The following TRAPPC9 variants were observed in gnomAD, a reference collection of about 807,000 sequenced individuals.
The protein encoded by TRAPPC9 is IKK2 binding protein.
In TRAPPC9, 83 loss-of-function variants were observed where a neutral mutation model predicts 124.0. The ratio of observed to expected loss-of-function variants is 0.67; its 90% CI spans 0.56 to 0.80. The LOEUF is 0.80. TRAPPC9 is among the 30% of genes least tolerant of loss of function. The pLI, the probability that TRAPPC9 is intolerant of heterozygous loss-of-function variation, is 0.00. For synonymous variants in TRAPPC9, 638 were observed against 617.5 expected (o/e 1.03, Z -0.49); for missense variants, 1,302 against 1,508.3 (o/e 0.86, Z 2.27).
intron 17 of TRAPPC9, among the ~76,000 whole-genome samples, chr8:140,051,420 G>A (rs1330269719): frequency 6.6e-6 from 1 of 152,140 alleles, no homozygotes; most frequent in Non-Finnish European, 1.5e-5. Context: ...AGCCTTAATC[G>A]CCACAGGTTT....
chr8:139,907,581 G>GAGGA lies in TRAPPC9; in HGVS notation c.2964+2565_2964+2566insTCCT, dbSNP rs2131261171. ...GGAGGCAGAGAGGGAGGGAGGGAGGGAGGGAGGGATGATGTCCTTAATGTT... is the reference window on the plus strand; with the variant it reads ...GGAGGCAGAGAGGGAGGGAGGGAGGGAGGAAGGGAGGGATGATGTCCTTAATGTT... On this transcript the variant is annotated intron_variant, in intron 20 of 22. Transcript: ENST00000438773. This position sits in a 1 kb window ranked among gnomAD's most constrained non-coding sequence, Gnocchi z 4.7. Among the ~76,000 whole-genome samples the GAGGA allele has an allele frequency of 8.2e-6, 1 of 122,454 alleles. No homozygotes were observed. The highest frequency in any genetic ancestry group is 3.0e-5 in the African/African-American group (1 of 33,162). 80.3% of individuals were successfully genotyped at this position (122,454 alleles called of 152,430 possible). A position where few individuals can be genotyped will look rare whatever the true frequency, so the allele number is the denominator to read the frequency against.
chr8:139,800,036 T>C (rs1823366891), intron 21 of TRAPPC9, among the ~76,000 whole-genome samples: 1 of 152,166 alleles, frequency 6.6e-6, no homozygotes, highest in African/African-American at 2.4e-5. Context: ...CACAGACGCA[T>C]GGAAGGCACA....
At position 139,888,786 on chromosome 8, in the gene TRAPPC9, C is replaced by A. The variant is rs184558149; in HGVS notation, c.2965-2817G>T. On this transcript the variant is annotated intron_variant, in intron 20 of 22. Transcript: ENST00000438773. ...ATGAACTTTTAATTATCTCATTTTG[C>A]CCTGTGACAATCCTGGAAGTTCGGA... Among the ~76,000 whole-genome samples the A allele has an allele frequency of 1.0e-3, 157 of 152,288 alleles. 1 individual carries two copies. The highest frequency in any genetic ancestry group is 3.5e-3 in the African/African-American group (146 of 41,554).
chr8:140,300,508 T>C lies in TRAPPC9; in HGVS notation c.1729A>G (p.Ile577Val), dbSNP rs780235742. ...CGCTCTTCTCCACGGTTGTGTGCGA[T>C]AATTGGTGAATAGATGAAAGGACTT... The part of the protein sequence containing the change: ...TKSPFIYSPI[I>V]AHNRGEERNK... Residue 577 changes from isoleucine to valine, a missense_variant, in exon 11 of 23, where the codon ATC becomes GTC. By Grantham distance (29) the Ile-to-Val change is conservative. Coordinates refer to ENST00000438773, the MANE Select transcript of TRAPPC9 (RefSeq NM_001160372.4). The C allele has an allele frequency of 2.5e-6, 4 of 1,614,240 alleles. No individual in the cohort carries two copies. Among genetic ancestry groups the C allele is most frequent in the Admixed American group, 1.7e-5 (1 of 60,028 alleles).
chr8:140,253,030 A>C (rs2064165373), intron 15 of TRAPPC9, 101 bp from the exon 16 acceptor site: 1 of 1,191,358 alleles, frequency 8.4e-7, no homozygotes, highest in Non-Finnish European at 1.2e-6. Flanking sequence ...AAAGCCAAGG[A>C]AAAAGAAGAG....
At position 139,731,241 on chromosome 8, in the gene TRAPPC9, G is replaced by A; in HGVS notation, c.3280-13C>T. Reference sequence around the variant, plus strand: ...CGGACGGCTGCACCTGAGCAGGGAGGAGAAAGACACATCAGTCTGGTCAGC... The same window carrying A: ...CGGACGGCTGCACCTGAGCAGGGAGAAGAAAGACACATCAGTCTGGTCAGC... On this transcript the variant is annotated splice_polypyrimidine_tract_variant and intron_variant, in intron 22 of 22. Coordinates refer to ENST00000438773, the MANE Select transcript of TRAPPC9 (RefSeq NM_001160372.4). 6.2e-7 allele frequency: 1 copy of A among 1,612,830 alleles called. No individual in the cohort carries two copies. The highest frequency in any genetic ancestry group is 8.5e-7 in the Non-Finnish European group (1 of 1,179,768).
At chr8:140,189,764 C>T (rs2062441116) in intron 17 of TRAPPC9, among the ~76,000 whole-genome samples, 1 of 152,116 alleles carries the variant, frequency 6.6e-6, no homozygotes, top group Non-Finnish European at 1.5e-5. Context: ...AAACAATCTC[C>T]CAAATCTTTT....
chr8:140,363,878 G>A (rs756754585), intron 8 of TRAPPC9, among the ~76,000 whole-genome samples: 5 of 152,126 alleles, frequency 3.3e-5, no homozygotes, highest in Non-Finnish European at 5.9e-5. Context: ...GATTACAGGC[G>A]TCAGCCACTG....
intron 8 of TRAPPC9, among the ~76,000 whole-genome samples, chr8:140,366,016 T>A (rs181931364): frequency 6.6e-6 from 1 of 152,326 alleles, no homozygotes; most frequent in Non-Finnish European, 1.5e-5. Flanking sequence ...AGTGAGAACA[T>A]GTGGTATTTG....
chr8:140,090,875 C>A lies in TRAPPC9; in HGVS notation c.2557-66796G>T, dbSNP rs116686449. 4.6e-3 allele frequency among the ~76,000 whole-genome samples: 698 copies of A among 152,300 alleles called. 3 individuals carry two copies. The highest frequency in any genetic ancestry group is 0.016 in the African/African-American group (665 of 41,552). On this transcript the variant is annotated intron_variant, in intron 17 of 22. Transcript: ENST00000438773. Reference sequence around the variant, plus strand: ...ACGTGATGGACAGACCATTTCTAGGCCATATTAATGGGCTGGCTTCTGGGT... The same window carrying A: ...ACGTGATGGACAGACCATTTCTAGGACATATTAATGGGCTGGCTTCTGGGT...
intron 21 of TRAPPC9, among the ~76,000 whole-genome samples, chr8:139,756,877 C>G (rs1487271268): frequency 7.4e-6 from 1 of 134,560 alleles, no homozygotes; most frequent in Non-Finnish European, 1.6e-5. Context: ...ATGAGGACAG[C>G]AGGTCGCAGG....
intron 2 of TRAPPC9, among the ~76,000 whole-genome samples, chr8:140,446,287 C>A (rs2071251431): frequency 8.4e-6 from 1 of 119,546 alleles, no homozygotes; most frequent in South Asian, 2.8e-4. Flanking sequence ...GAGTAAGACT[C>A]TGTCTCAAAA....
At chr8:139,875,842 C>T (rs1829284549) in intron 21 of TRAPPC9, among the ~76,000 whole-genome samples, 1 of 152,242 alleles carries the variant, frequency 6.6e-6, no homozygotes, top group Non-Finnish European at 1.5e-5. Context: ...CTAACACTGG[C>T]CTGGAGCAGA....
intron 21 of TRAPPC9, among the ~76,000 whole-genome samples, chr8:139,866,791 T>C (rs1431860636): frequency 1.3e-5 from 2 of 152,124 alleles, no homozygotes; most frequent in Non-Finnish European, 2.9e-5. Context: ...TCTATTTCTA[T>C]TCATATGTAT....
chr8:140,086,480 C>T (rs1330150229), intron 17 of TRAPPC9, among the ~76,000 whole-genome samples: 1 of 152,194 alleles, frequency 6.6e-6, no homozygotes, highest in Non-Finnish European at 1.5e-5. Flanking sequence ...TCAGGGGCCA[C>T]AGCTCCACCT....
chr8:140,161,906 C>T (rs1213531404), intron 17 of TRAPPC9, among the ~76,000 whole-genome samples: 3 of 152,128 alleles, frequency 2.0e-5, no homozygotes, highest in Non-Finnish European at 4.4e-5. Context: ...TGCAGAGACA[C>T]ACACAAAGAG....
chr8:139,965,975 C>T (rs902627068), intron 19 of TRAPPC9, among the ~76,000 whole-genome samples: 1 of 152,222 alleles, frequency 6.6e-6, no homozygotes, highest in East Asian at 1.9e-4. Context: ...GGCCTGTCTG[C>T]GGGAGGCTTT....
At chr8:140,090,550 G>A (rs1004660842) in intron 17 of TRAPPC9, among the ~76,000 whole-genome samples, 7 of 152,204 alleles carry the variant, frequency 4.6e-5, no homozygotes, top group Admixed American at 6.5e-5. Flanking sequence ...CAGGTCACCC[G>A]GGAGACCAGG....
intron 19 of TRAPPC9, among the ~76,000 whole-genome samples, chr8:139,936,307 G>A (rs6999461): frequency 0.16 from 23,895 of 152,292 alleles, 2,120 homozygotes; most frequent in South Asian, 0.25. Context: ...CAGGCAGTGC[G>A]CTTCTTCATT....
Sources: allele counts gnomAD v4.1 joint callset (sites outside exome capture counted in the v4.1 genomes callset), GRCh38; gene constraint gnomAD v4.1.1; non-coding constraint Gnocchi (gnomAD v3.1); transcripts MANE v1.5; gene names NCBI Gene and HGNC (gene_info 2026-07-23, HGNC 2026-07-21).